Variants in CC2D2B observed in about 807,000 individuals in gnomAD.
The protein encoded by CC2D2B is coiled-coil and C2 domain containing 2B.
A neutral mutation model predicts 161.2 loss-of-function variants in CC2D2B; 128 were observed. That is an observed-to-expected ratio of 0.79 (90% CI 0.69 to 0.92). The LOEUF (loss-of-function observed/expected upper bound fraction) is 0.92. Among genes scored for constraint, CC2D2B ranks in the 40% least tolerant of loss-of-function variants. CC2D2B has a pLI of 0.00. For missense variants in CC2D2B, 1,173 were observed against 1,375.1 expected (o/e 0.85, Z 2.32); for synonymous variants, 391 against 449.8 (o/e 0.87, Z 1.65).
chr10:95,941,588 C>A (rs2076024924), intron 9 of CC2D2B, among the ~76,000 whole-genome samples: 1 of 151,960 alleles, frequency 6.6e-6, no homozygotes, highest in South Asian at 2.1e-4. Context: ...TAAAACATGC[C>A]TAACATCACT....
intron 2 of CC2D2B, chr10:95,919,978 A>G (rs955482004): frequency 6.6e-6 from 1 of 151,326 alleles, no homozygotes; most frequent in Non-Finnish European, 1.5e-5. Flanking sequence ...CCTGACTACC[A>G]CTGATGTTTA....
At chr10:95,991,247 C>G (rs2077945365) in intron 20 of CC2D2B, 123 bp from the exon 21 acceptor site, 4 of 346,594 alleles carry the variant, frequency 1.2e-5, no homozygotes, top group Non-Finnish European at 5.2e-6. Context: ...CTTGTCTAAT[C>G]TCCTACTCCA....
intron 25 of CC2D2B, among the ~76,000 whole-genome samples, chr10:96,008,451 G>A (rs1310741793): frequency 6.6e-6 from 1 of 152,078 alleles, no homozygotes; most frequent in Non-Finnish European, 1.5e-5. Flanking sequence ...AGCTGGATAT[G>A]ATGGTAAATG....
At chr10:95,940,059 A>G (rs908132780) in intron 9 of CC2D2B, among the ~76,000 whole-genome samples, 2 of 152,162 alleles carry the variant, frequency 1.3e-5, no homozygotes, top group African/African-American at 4.8e-5. Context: ...GGAGGCCTCA[A>G]GAAACTTCTG....
chr10:95,934,450 C>CA (rs1327456174), intron 6 of CC2D2B, among the ~76,000 whole-genome samples: 1 of 147,430 alleles, frequency 6.8e-6, no homozygotes, highest in Non-Finnish European at 1.5e-5. Flanking sequence ...AAAAAAAAAA[C>CA]AAACAAACAA....
At chr10:95,924,953 T>C (rs1590362236) in intron 5 of CC2D2B, 109 bp downstream of exon 5, 1 of 643,766 alleles carries the variant, frequency 1.6e-6, no homozygotes, top group Non-Finnish European at 2.7e-6. Flanking sequence ...GATTTCTAGT[T>C]AATTTACAGA....
chr10:96,018,291 C>T (rs1295374963), intron 30 of CC2D2B, among the ~76,000 whole-genome samples: 2 of 152,166 alleles, frequency 1.3e-5, no homozygotes, highest in African/African-American at 4.8e-5. Flanking sequence ...AAAATAATAA[C>T]AACATAATAA....
At position 95,938,943 on chromosome 10, in the gene CC2D2B, A is replaced by G; in HGVS notation, c.801+18A>G. Reference sequence around the variant, plus strand: ...ACAGGAAGGTAACCAACAACAATTTATTTGTAATTATGGTTAAAATTCTTG... The same window carrying G: ...ACAGGAAGGTAACCAACAACAATTTGTTTGTAATTATGGTTAAAATTCTTG... On this transcript the variant is annotated intron_variant, in intron 9 of 34. Transcript: ENST00000646931. The G allele has an allele frequency of 3.0e-6, 2 of 667,354 alleles. No homozygotes were observed. Among genetic ancestry groups the G allele is most frequent in the Non-Finnish European group, 5.4e-6 (2 of 368,500 alleles). 41.3% of individuals were successfully genotyped at this position (667,354 alleles called of 1,614,324 possible).
chr10:95,938,864 A>G lies in CC2D2B; in HGVS notation c.740A>G (p.Asn247Ser), dbSNP rs2075920934. The change falls in exon 9 of 35, where the codon AAT (asparagine) becomes AGT (serine). Residue 247 changes from asparagine (N) to serine (S), a missense_variant. Asn to Ser is a conservative substitution (Grantham distance 46). Coordinates refer to ENST00000646931, the MANE Select transcript of CC2D2B (RefSeq NM_001349008.3). The part of the protein sequence containing the change: ...SLPTPIKQSW[N>S]FRLNVRKEPL... ...CCTACACCTATTAAACAGTCATGGA[A>G]TTTCAGACTAAATGTAAGGAAGGAA... 6 of 715,376 alleles carry G rather than the reference A, an allele frequency of 8.4e-6. No homozygotes were observed. The highest frequency in any genetic ancestry group is 1.3e-5 in the Non-Finnish European group (5 of 384,254). 44.3% of individuals were successfully genotyped at this position (715,376 alleles called of 1,614,324 possible). A position where few individuals can be genotyped will look rare whatever the true frequency, so the allele number is the denominator to read the frequency against.
At chr10:95,933,065 G>T (rs1364837625) in intron 6 of CC2D2B, among the ~76,000 whole-genome samples, 1 of 151,926 alleles carries the variant, frequency 6.6e-6, no homozygotes, top group Non-Finnish European at 1.5e-5. Context: ...ATTTCTTAGA[G>T]GCTTTGTTCA....
chr10:95,960,923 C>G (rs2076738091), intron 11 of CC2D2B, among the ~76,000 whole-genome samples: 1 of 152,154 alleles, frequency 6.6e-6, no homozygotes, highest in Non-Finnish European at 1.5e-5. Context: ...CCTTTCCCAT[C>G]AAGACCTCTT....
intron 11 of CC2D2B, among the ~76,000 whole-genome samples, 151 bp downstream of exon 11, chr10:95,955,642 G>A (rs182242029): frequency 3.3e-5 from 5 of 152,128 alleles, no homozygotes; most frequent in Admixed American, 6.5e-5. Flanking sequence ...TAAGACCCAC[G>A]TTTGTGTAAA....
chr10:96,007,827 A>G (rs886692932), intron 25 of CC2D2B, among the ~76,000 whole-genome samples: 4 of 152,048 alleles, frequency 2.6e-5, no homozygotes, highest in African/African-American at 9.7e-5. Context: ...TGCCAATGGG[A>G]GGGGTGGTGG....
intron 2 of CC2D2B, among the ~76,000 whole-genome samples, chr10:95,916,002 A>C (rs576365927): frequency 1.3e-5 from 2 of 152,148 alleles, no homozygotes; most frequent in South Asian, 2.1e-4. Context: ...ATGTTTGCCA[A>C]AATTTAGCAG....
At chr10:95,984,861 C>A (rs1247805704) in intron 19 of CC2D2B, among the ~76,000 whole-genome samples, 5 of 151,700 alleles carry the variant, frequency 3.3e-5, no homozygotes, top group Non-Finnish European at 7.4e-5. Flanking sequence ...CAGAGTGAGA[C>A]CCTGTCTTTA....
intron 25 of CC2D2B, among the ~76,000 whole-genome samples, chr10:96,005,335 A>G (rs1351961953): frequency 6.6e-6 from 1 of 152,150 alleles, no homozygotes; most frequent in African/African-American, 2.4e-5. Context: ...TGAGATCCAC[A>G]TGCTTTAGGT....
intron 33 of CC2D2B, among the ~76,000 whole-genome samples, chr10:96,025,156 T>TATATATATATATATAAA (rs2079648662): frequency 3.4e-5 from 2 of 57,984 alleles, no homozygotes; most frequent in African/African-American, 9.8e-5. Context: ...TAAAAAAAAA[T>TATATATATATATATAAA]ATATATATAT....
intron 6 of CC2D2B, among the ~76,000 whole-genome samples, chr10:95,935,150 C>T (rs889774636): frequency 6.6e-5 from 10 of 152,164 alleles, no homozygotes; most frequent in African/African-American, 2.2e-4. Context: ...GGATTACAGG[C>T]GTGAGCCACC....
intron 18 of CC2D2B, among the ~76,000 whole-genome samples, chr10:95,982,878 T>A (rs2077581937): frequency 6.6e-6 from 1 of 152,146 alleles, no homozygotes; most frequent in South Asian, 2.1e-4. Context: ...TTCCGGCAAT[T>A]CTCTTGCCTC....
Sources: allele counts gnomAD v4.1 joint callset (sites outside exome capture counted in the v4.1 genomes callset), GRCh38; gene constraint gnomAD v4.1.1; transcripts MANE v1.5; gene names NCBI Gene and HGNC (gene_info 2026-07-23, HGNC 2026-07-21).